The following BCAS3 variants were observed in gnomAD, a reference collection of about 807,000 sequenced individuals.
BCAS3 encodes BCAS3 microtubule associated cell migration factor.
A neutral mutation model predicts 116.1 loss-of-function variants in BCAS3; 53 were observed. The observed-to-expected ratio is 0.46, with a 90% CI of 0.37 to 0.57. BCAS3 has a LOEUF of 0.57. Ranked by LOEUF, BCAS3 falls within the 20% of genes least tolerant of loss-of-function variation. The pLI is 0.00. For synonymous variants in BCAS3, 391 were observed against 408.2 expected (o/e 0.96, Z 0.51); for missense variants, 917 against 1,165.4 (o/e 0.79, Z 3.10).
intron 7 of BCAS3, among the ~76,000 whole-genome samples, chr17:60,824,853 C>T (rs1327706458): frequency 1.3e-5 from 2 of 152,134 alleles, no homozygotes; most frequent in African/African-American, 2.4e-5. Flanking sequence ...TATACACATG[C>T]ACAAACACAT....
intron 22 of BCAS3, among the ~76,000 whole-genome samples, chr17:61,289,928 G>A (rs537087371): frequency 3.3e-5 from 5 of 152,088 alleles, no homozygotes; most frequent in African/African-American, 7.2e-5. Context: ...ATTTTGCCCC[G>A]TGTCCTTGCC....
chr17:61,064,311 TA>T (rs532113674), intron 19 of BCAS3, among the ~76,000 whole-genome samples: 133 of 145,886 alleles, frequency 9.1e-4, no homozygotes, highest in Non-Finnish European at 8.4e-4. Context: ...ACCTATCTCT[TA>T]AAAAAAAAAA....
chr17:61,206,094 G>A (rs978736408), intron 22 of BCAS3, among the ~76,000 whole-genome samples: 9 of 152,046 alleles, frequency 5.9e-5, no homozygotes, highest in Non-Finnish European at 1.3e-4. Context: ...AACACAAGTC[G>A]TAGCCAGTGA....
intron 5 of BCAS3, among the ~76,000 whole-genome samples, chr17:60,730,246 A>G (rs2040324627): frequency 6.6e-6 from 1 of 152,228 alleles, no homozygotes; most frequent in African/African-American, 2.4e-5. Context: ...TGTGTGCAAA[A>G]ATCTGGAAGT....
Position 61,355,333 on chromosome 17 carries a change from G to T in BCAS3, c.2426-12994G>T, listed in dbSNP as rs2058084226. 6.6e-6 allele frequency among the ~76,000 whole-genome samples: 1 copy of T among 152,136 alleles called. No homozygotes were observed. The highest frequency in any genetic ancestry group is 1.5e-5 in the Non-Finnish European group (1 of 68,036). On this transcript the variant is annotated intron_variant, in intron 22 of 23. Coordinates refer to ENST00000407086, the MANE Select transcript of BCAS3 (RefSeq NM_017679.5). This position sits in a 1 kb window ranked among gnomAD's most constrained non-coding sequence, Gnocchi z 4.2. ...GTTCTCAGTTGAGAGCCTCGTGTTT[G>T]ACTTATTTGTGGAGCACAGAAATCA...
chr17:61,263,939 G>A, intron 22 of BCAS3, among the ~76,000 whole-genome samples: 1 of 152,128 alleles, frequency 6.6e-6, no homozygotes, highest in East Asian at 1.9e-4. Context: ...AAAAAATTCT[G>A]ACCATGCATG....
chr17:60,823,667 C>T (rs981317045), intron 7 of BCAS3, among the ~76,000 whole-genome samples: 3 of 152,098 alleles, frequency 2.0e-5, no homozygotes, highest in African/African-American at 7.2e-5. Context: ...AGTCACTGAA[C>T]TGGTTTTTTG....
rs576175354 is a variant in BCAS3, at chr17:61,128,783, G to A, written c.2425+44219G>A. ...TTTTTTCCCCCAGGAAAAAAAAATC[G>A]GCAACTTTTGGTCTGTCACAAGGTC... On this transcript the variant is annotated intron_variant, in intron 22 of 23. Coordinates refer to ENST00000407086, the MANE Select transcript of BCAS3 (RefSeq NM_017679.5). The surrounding 1 kb of genome is among the most constrained non-coding windows in gnomAD (Gnocchi z 4.1). Among the ~76,000 whole-genome samples the A allele has an allele frequency of 1.3e-4, 20 of 152,138 alleles. No homozygotes were observed. Among genetic ancestry groups the A allele is most frequent in the African/African-American group, 4.6e-4 (19 of 41,500 alleles).
intron 11 of BCAS3, among the ~76,000 whole-genome samples, chr17:60,904,390 C>T (rs920262280): frequency 4.0e-5 from 6 of 150,836 alleles, no homozygotes; most frequent in Non-Finnish European, 8.8e-5. Flanking sequence ...GGCGACACAG[C>T]GAGACTCTGT....
intron 13 of BCAS3, among the ~76,000 whole-genome samples, chr17:60,930,711 G>A (rs1305148201): frequency 6.6e-6 from 1 of 152,154 alleles, no homozygotes; most frequent in Admixed American, 6.5e-5. Flanking sequence ...GCCTGCCTCA[G>A]CCTCCCAAAG....
intron 12 of BCAS3, among the ~76,000 whole-genome samples, chr17:60,923,917 T>C (rs1444819004): frequency 6.6e-6 from 1 of 152,106 alleles, no homozygotes; most frequent in Non-Finnish European, 1.5e-5. Flanking sequence ...AATATGAAAA[T>C]GTTATTGGAT....
rs145949411 is a variant in BCAS3, at chr17:60,749,986, T to C, written c.403+2707T>C. On this transcript the variant is annotated intron_variant, in intron 6 of 23. Transcript: ENST00000407086. The stretch of plus-strand genomic sequence containing the variant: ...TTCGAGACCAGAGTGGCCAACATAG[T>C]GAAACCTCGTCTCTACTAAAAATAC... 8.5e-3 allele frequency among the ~76,000 whole-genome samples: 1,292 copies of C among 152,188 alleles called. 22 individuals are homozygous for C. The highest frequency in any genetic ancestry group is 0.029 in the African/African-American group (1,209 of 41,510).
intron 13 of BCAS3, 89 bp from the exon 14 acceptor site, chr17:60,947,130 A>T: frequency 7.7e-7 from 1 of 1,301,298 alleles, no homozygotes; most frequent in Non-Finnish European, 1.1e-6. Context: ...CCCATTGGTA[A>T]TATTTTAAAT....
Position 60,994,171 on chromosome 17 carries a change from A to T in BCAS3, c.1486+3936A>T, listed in dbSNP as rs996140527. Among the ~76,000 whole-genome samples the T allele has an allele frequency of 6.6e-6, 1 of 152,110 alleles. No individual in the cohort carries two copies. The highest frequency in any genetic ancestry group is 2.4e-5 in the African/African-American group (1 of 41,440). On this transcript the variant is annotated intron_variant, in intron 15 of 23. Transcript: ENST00000407086. This position sits in a 1 kb window ranked among gnomAD's most constrained non-coding sequence, Gnocchi z 4.4. Reference sequence around the variant, plus strand: ...CAGAATTACTCATATCACTTTATATATGAAATATATATCTTGAAGTATCTT... The same window carrying T: ...CAGAATTACTCATATCACTTTATATTTGAAATATATATCTTGAAGTATCTT...
rs1014527252 is a variant in BCAS3, at chr17:61,203,827, G to A, written c.2425+119263G>A. 6.6e-6 allele frequency among the ~76,000 whole-genome samples: 1 copy of A among 152,124 alleles called. No homozygotes were observed. The highest frequency in any genetic ancestry group is 2.4e-5 in the African/African-American group (1 of 41,424). On this transcript the variant is annotated intron_variant, in intron 22 of 23. Transcript: ENST00000407086. The surrounding 1 kb of genome is among the most constrained non-coding windows in gnomAD (Gnocchi z 5.7). ...ACGAGTGTCCTCTCCTTGGCACTCAGTTGGGACAGTCAGCACTGCCCCTGC... is the reference window on the plus strand; with the variant it reads ...ACGAGTGTCCTCTCCTTGGCACTCAATTGGGACAGTCAGCACTGCCCCTGC...
intron 16 of BCAS3, chr17:61,027,232 T>C (rs964802595): frequency 7.0e-6 from 3 of 428,378 alleles, no homozygotes; most frequent in Non-Finnish European, 1.3e-5. Flanking sequence ...TTGAGTATTA[T>C]GGCATTAGAA....
Position 61,326,760 on chromosome 17 carries a change from G to A in BCAS3, c.2426-41567G>A, listed in dbSNP as rs186287738. 1.7e-3 allele frequency among the ~76,000 whole-genome samples: 264 copies of A among 152,272 alleles called. No homozygotes were observed. Among genetic ancestry groups the A allele is most frequent in the Admixed American group, 3.1e-3 (48 of 15,290 alleles). On this transcript the variant is annotated intron_variant, in intron 22 of 23. Coordinates refer to ENST00000407086, the MANE Select transcript of BCAS3 (RefSeq NM_017679.5). This position sits in a 1 kb window ranked among gnomAD's most constrained non-coding sequence, Gnocchi z 5.3. The stretch of plus-strand genomic sequence containing the variant: ...TTACATTTCCAGTGGATTTGAAGAT[G>A]TTAAATCTACAGTCAGATCTATGGG...
chr17:60,976,020 C>CTTTTTTTTTTTTTGTTTTTTT (rs2062330470), intron 14 of BCAS3, among the ~76,000 whole-genome samples: 5 of 98,278 alleles, frequency 5.1e-5, no homozygotes, highest in Non-Finnish European at 7.1e-5. Context: ...TAGATTTTTG[C>CTTTTTTTTTTTTTGTTTTTTT]TTTTTTTTTT....
At chr17:60,886,531 G>C (rs1300344312) in intron 9 of BCAS3, 1 of 152,064 alleles carries the variant, frequency 6.6e-6, no homozygotes. Flanking sequence ...CTGCGTTTTA[G>C]AGTTTCCAGT....
Sources: allele counts gnomAD v4.1 joint callset (sites outside exome capture counted in the v4.1 genomes callset), GRCh38; gene constraint gnomAD v4.1.1; non-coding constraint Gnocchi (gnomAD v3.1); transcripts MANE v1.5; gene names NCBI Gene and HGNC (gene_info 2026-07-23, HGNC 2026-07-21).